The following RIN3 variants were observed in gnomAD, a reference collection of about 807,000 sequenced individuals.
The protein encoded by RIN3 is Ras and Rab interactor 3, also known as RAB5 interacting protein 3.
A neutral mutation model predicts 76.3 loss-of-function variants in RIN3; 54 were observed. The ratio of observed to expected loss-of-function variants is 0.71; its 90% CI spans 0.57 to 0.89. The LOEUF (loss-of-function observed/expected upper bound fraction) is 0.89, where lower values mean the gene tolerates loss of function less well. Ranked by LOEUF, RIN3 falls within the 40% of genes least tolerant of loss-of-function variation. The probability of loss-of-function intolerance (pLI) is 0.00; values close to 1 mark genes in which losing one functional copy is unlikely to be tolerated. For missense variants in RIN3, 1,256 were observed against 1,322.1 expected (o/e 0.95, Z 0.78); for synonymous variants, 576 against 564.0 (o/e 1.02, Z -0.30).
At chr14:92,647,109 T>C (rs1168074620) in intron 5 of RIN3, among the ~76,000 whole-genome samples, 1 of 152,210 alleles carries the variant, frequency 6.6e-6, no homozygotes, top group Non-Finnish European at 1.5e-5. Context: ...ATGAGAAGAA[T>C]GCAACAAATG....
chr14:92,688,474 C>T lies in RIN3; in HGVS notation c.*222C>T. The T allele has an allele frequency of 1.8e-6, 1 of 561,540 alleles. No homozygotes were observed. Among genetic ancestry groups the T allele is most frequent in the South Asian group, 2.4e-5 (1 of 42,230 alleles). 34.8% of individuals were successfully genotyped at this position (561,540 alleles called of 1,614,324 possible). On this transcript the variant is annotated 3_prime_UTR_variant, in exon 10 of 10. Coordinates refer to ENST00000216487, the MANE Select transcript of RIN3 (RefSeq NM_024832.5). ...CCCTGAGACACCGAGACGGCATGTT[C>T]TTCATTAGACGGAAAGGGAAACTGA...
chr14:92,549,247 G>T (rs1466244513), intron 1 of RIN3, among the ~76,000 whole-genome samples: 1 of 152,118 alleles, frequency 6.6e-6, no homozygotes, highest in Non-Finnish European at 1.5e-5. Context: ...GCCTTTTCCG[G>T]TTCTCCCTTT....
intron 1 of RIN3, among the ~76,000 whole-genome samples, chr14:92,548,218 T>A (rs964620063): frequency 2.6e-5 from 4 of 152,192 alleles, no homozygotes; most frequent in Non-Finnish European, 4.4e-5. Context: ...CCAGGATACG[T>A]AAACATGAAA....
chr14:92,639,957 CCTGA>C (rs1265414259), intron 4 of RIN3, among the ~76,000 whole-genome samples: 4 of 145,166 alleles, frequency 2.8e-5, no homozygotes, highest in African/African-American at 1.0e-4. Flanking sequence ...CTGGGAGATG[CCTGA>C]CTGTGTGTTC....
intron 1 of RIN3, among the ~76,000 whole-genome samples, chr14:92,541,988 A>G (rs1196383546): frequency 1.3e-5 from 2 of 152,224 alleles, no homozygotes; most frequent in Non-Finnish European, 2.9e-5. Context: ...TCTCTGGGGA[A>G]GATATACAAA....
intron 6 of RIN3, among the ~76,000 whole-genome samples, chr14:92,657,938 GC>G (rs770137449): frequency 1.2e-4 from 18 of 152,212 alleles, no homozygotes; most frequent in Non-Finnish European, 4.4e-5. Flanking sequence ...GGCTAGGGCA[GC>G]ACAGGTGTCT....
intron 4 of RIN3, among the ~76,000 whole-genome samples, chr14:92,637,087 G>A (rs1053903380): frequency 6.6e-6 from 1 of 151,968 alleles, no homozygotes; most frequent in African/African-American, 2.4e-5. Flanking sequence ...GGGTGGGGAT[G>A]GTTTCGGGAT....
intron 4 of RIN3, among the ~76,000 whole-genome samples, chr14:92,638,075 T>C (rs966813015): frequency 2.0e-5 from 3 of 152,180 alleles, no homozygotes; most frequent in Admixed American, 6.5e-5. Context: ...ACGTCCTGTG[T>C]GTGCTTTCCT....
At chr14:92,647,832 G>A (rs116710731) in intron 5 of RIN3, among the ~76,000 whole-genome samples, 2,018 of 152,214 alleles carry the variant, frequency 0.013, 44 homozygotes, top group African/African-American at 0.046. Flanking sequence ...AGAAAGAGTG[G>A]GCATCTGGCA....
intron 1 of RIN3, among the ~76,000 whole-genome samples, chr14:92,526,675 C>A (rs1227593705): frequency 6.6e-6 from 1 of 152,120 alleles, no homozygotes; most frequent in African/African-American, 2.4e-5. Flanking sequence ...ATCGCTTGAA[C>A]CTGGGAGGCA....
chr14:92,577,192 C>T (rs970449523), intron 2 of RIN3, 168 bp from the exon 3 acceptor site: 55 of 558,850 alleles, frequency 9.8e-5, no homozygotes, highest in South Asian at 3.9e-4. Context: ...GGCCAGGTGG[C>T]GCAAGGCTCT....
rs149099384 is a variant in RIN3, at chr14:92,595,780, C to T, written c.367+18303C>T. Among the ~76,000 whole-genome samples, 491 of 152,270 alleles carry T rather than the reference C, an allele frequency of 3.2e-3. 5 individuals carry two copies. The highest frequency in any genetic ancestry group is 2.3e-3 in the Non-Finnish European group (155 of 68,020). On this transcript the variant is annotated intron_variant, in intron 3 of 9. Coordinates refer to ENST00000216487, the MANE Select transcript of RIN3 (RefSeq NM_024832.5). ...AAAGCCCCACACAGACAGAAGGCGC[C>T]GTTCTTCTTTTGCCTAACCCCAGAT... is the stretch of plus-strand genomic sequence containing the variant.
At chr14:92,674,057 C>T (rs1485486079) in intron 7 of RIN3, among the ~76,000 whole-genome samples, 1 of 152,230 alleles carries the variant, frequency 6.6e-6, no homozygotes, top group Non-Finnish European at 1.5e-5. Flanking sequence ...ATATGGGGCA[C>T]GCAGTTTTCC....
intron 1 of RIN3, among the ~76,000 whole-genome samples, chr14:92,523,233 T>C (rs8011320): frequency 0.066 from 10,086 of 152,132 alleles, 1,133 homozygotes; most frequent in African/African-American, 0.23. Context: ...GCCTCAGCCT[T>C]CCGAGTAGCT....
chr14:92,579,206 G>A (rs926851070), intron 3 of RIN3, among the ~76,000 whole-genome samples: 3 of 152,242 alleles, frequency 2.0e-5, no homozygotes, highest in Non-Finnish European at 2.9e-5. Context: ...GGGATTACAG[G>A]CGTGAGCCAC....
chr14:92,564,449 C>T (rs1170197795), intron 2 of RIN3, among the ~76,000 whole-genome samples: 1 of 152,158 alleles, frequency 6.6e-6, no homozygotes, highest in Non-Finnish European at 1.5e-5. Flanking sequence ...GGAAAGACCC[C>T]CAGGGCACTG....
chr14:92,533,502 C>T (rs1003840386), intron 1 of RIN3, among the ~76,000 whole-genome samples: 1 of 152,178 alleles, frequency 6.6e-6, no homozygotes, highest in African/African-American at 2.4e-5. Context: ...AAATTGTGGT[C>T]TCTCTCTATA....
chr14:92,655,417 G>T (rs1007592373), intron 6 of RIN3, among the ~76,000 whole-genome samples: 3 of 152,222 alleles, frequency 2.0e-5, no homozygotes, highest in Admixed American at 6.5e-5. Context: ...AGTGTAAGGA[G>T]ACACATTAGT....
intron 4 of RIN3, among the ~76,000 whole-genome samples, chr14:92,620,399 C>T (rs56166052): frequency 0.13 from 20,320 of 152,152 alleles, 1,739 homozygotes; most frequent in Middle Eastern, 0.23. Context: ...CAAGAGTATA[C>T]GCAGAACACT....
Sources: allele counts gnomAD v4.1 joint callset (sites outside exome capture counted in the v4.1 genomes callset), GRCh38; gene constraint gnomAD v4.1.1; transcripts MANE v1.5; gene names NCBI Gene and HGNC (gene_info 2026-07-23, HGNC 2026-07-21).